The following ADCY3 variants were observed in gnomAD, a reference collection of about 807,000 sequenced individuals.
The protein encoded by ADCY3 is adenylate cyclase 3, also known as adenylate cyclase type 3.
Under a neutral mutation model 119.4 loss-of-function variants are expected in ADCY3, and 70 were observed. The ratio of observed to expected loss-of-function variants is 0.59; its 90% confidence interval spans 0.48 to 0.72. ADCY3 has a LOEUF of 0.72. ADCY3 is among the 30% of genes least tolerant of loss of function. ADCY3 has a pLI of 0.00. For synonymous variants in ADCY3, 672 were observed against 621.4 expected, an observed-to-expected ratio of 1.08 and a Z score of -1.21; for missense variants, 1,238 against 1,541.6, an observed-to-expected ratio of 0.80 and a Z score of 3.30.
intron 2 of ADCY3, among the ~76,000 whole-genome samples, chr2:24,902,034 C>CTG (rs57980321): frequency 0.12 from 14,795 of 122,084 alleles, 925 homozygotes; most frequent in Admixed American, 0.13. Flanking sequence ...CATTTTAACT[C>CTG]TGTGTGTGTG....
chr2:24,847,926 G>T (rs1255935006), intron 3 of ADCY3, among the ~76,000 whole-genome samples: 4 of 152,196 alleles, frequency 2.6e-5, no homozygotes. Context: ...TAATCCCGGG[G>T]ATCCCAGCCC....
At chr2:24,868,211 C>G (rs1156681583) in intron 3 of ADCY3, among the ~76,000 whole-genome samples, 1 of 152,068 alleles carries the variant, frequency 6.6e-6, no homozygotes, top group Non-Finnish European at 1.5e-5. Flanking sequence ...TTCTACGTCG[C>G]CCATGGATCA....
intron 16 of ADCY3, 134 bp from the exon 17 acceptor site, chr2:24,824,670 C>G (rs1354215726): frequency 1.1e-6 from 1 of 921,426 alleles, no homozygotes; most frequent in Non-Finnish European, 1.6e-6. Flanking sequence ...AGGCGGATCA[C>G]CTGAGGTCAG....
intron 3 of ADCY3, among the ~76,000 whole-genome samples, chr2:24,868,387 A>G (rs1572937820): frequency 6.6e-6 from 1 of 152,350 alleles, no homozygotes; most frequent in East Asian, 1.9e-4. Flanking sequence ...CTGAAGTTCT[A>G]TTTTGGCTGG....
chr2:24,904,302 G>C (rs946818256), intron 2 of ADCY3, among the ~76,000 whole-genome samples: 2 of 152,120 alleles, frequency 1.3e-5, no homozygotes, highest in African/African-American at 4.8e-5. Context: ...GGCCCAAATG[G>C]GCAGAGAACT....
chr2:24,888,228 C>A (rs1198275382), intron 2 of ADCY3, among the ~76,000 whole-genome samples: 1 of 152,238 alleles, frequency 6.6e-6, no homozygotes, highest in African/African-American at 2.4e-5. Flanking sequence ...TCCCCCATTG[C>A]CTGTCCAGCC....
chr2:24,878,289 C>A lies in ADCY3; in HGVS notation c.676-5570G>T, dbSNP rs995256694. Among the ~76,000 whole-genome samples, 1 of 152,146 alleles carries A rather than the reference C, an allele frequency of 6.6e-6. No individual in the cohort carries two copies. The highest frequency in any genetic ancestry group is 1.9e-4 in the East Asian group (1 of 5,196). On this transcript the variant is annotated intron_variant, in intron 2 of 21. Transcript: ENST00000679454. The surrounding 1 kb of genome is among the most constrained non-coding windows in gnomAD (Gnocchi z 4.0). ...AGAACATTCCTTTACAAAATCCTCCCTCCTGGAAGTTTACGCATCGCAAGA... is the reference window on the plus strand; with the variant it reads ...AGAACATTCCTTTACAAAATCCTCCATCCTGGAAGTTTACGCATCGCAAGA...
chr2:24,908,967 C>A (rs545352621), intron 2 of ADCY3, among the ~76,000 whole-genome samples: 18 of 152,290 alleles, frequency 1.2e-4, no homozygotes, highest in African/African-American at 4.3e-4. Flanking sequence ...CACACTCTCC[C>A]CAGGCAACCC....
intron 3 of ADCY3, among the ~76,000 whole-genome samples, chr2:24,846,488 T>C (rs1258051373): frequency 6.6e-6 from 1 of 152,206 alleles, no homozygotes; most frequent in Non-Finnish European, 1.5e-5. Context: ...CTGTAACCCC[T>C]TTGTTCTGGC....
chr2:24,834,974 G>A lies in ADCY3; in HGVS notation c.1663-38C>T. On this transcript the variant is annotated intron_variant, in intron 9 of 21. Coordinates refer to ENST00000679454, the MANE Select transcript of ADCY3 (RefSeq NM_004036.5). This position sits in a 1 kb window ranked among gnomAD's most constrained non-coding sequence, Gnocchi z 4.2. ...GAGGCAGCGTGAGTGGGGCAGATGG[G>A]ACAGAGTGGTGGGGAAGAGCTGGGA... is the stretch of plus-strand genomic sequence containing the variant. 2.5e-6 allele frequency: 4 copies of A among 1,601,180 alleles called. No individual in the cohort carries two copies. The highest frequency in any genetic ancestry group is 2.6e-6 in the Non-Finnish European group (3 of 1,173,276).
At chr2:24,852,005 T>C (rs6545758) in intron 3 of ADCY3, among the ~76,000 whole-genome samples, 52,221 of 152,042 alleles carry the variant, frequency 0.34, 9,399 homozygotes, top group African/African-American at 0.44. Context: ...TTGGCAATAA[T>C]TGCTGTCACA....
chr2:24,838,601 G>A lies in ADCY3; in HGVS notation c.1377C>T (p.Ser459=). The change falls in exon 8 of 22, where the codon AGC becomes AGT. Residue 459 remains serine (S), a synonymous_variant. Transcript: ENST00000679454. ...GIPGRVHISQ[S]TMDCLKGEFD... is the part of the protein sequence containing the mutation. ...ACTCCCCTTTCAGGCAGTCCATGGT[G>A]CTCTGGGAGATGTGCACGCGCCTGG... 1 of 1,614,046 alleles carries A rather than the reference G, an allele frequency of 6.2e-7. No individual in the cohort carries two copies. The highest frequency in any genetic ancestry group is 8.5e-7 in the Non-Finnish European group (1 of 1,180,044).
rs780618781 is a variant in ADCY3 at position 24,838,406 on chromosome 2, GGGGT to G, written c.1533+35_1533+38del. 58 of 791,348 alleles carry G rather than the reference GGGGT, an allele frequency of 7.3e-5. No individual in the cohort carries two copies. The Middle Eastern group carries it at 1.9e-3, about 26-fold the overall frequency. The allele number at this position is 791,348 out of a possible 1,614,324, so 49.0% of individuals were successfully genotyped here. Reference sequence around the variant, plus strand: ...CTTTCCAACCCCCTAATCCAGGGGTGGGGTGGGTGGGGTGGGTGGGGTGGGGTGG... The same window carrying G: ...CTTTCCAACCCCCTAATCCAGGGGTGGGGTGGGGTGGGTGGGGTGGGGTGG... On this transcript the variant is annotated intron_variant, in intron 8 of 21. Coordinates refer to ENST00000679454, the MANE Select transcript of ADCY3 (RefSeq NM_004036.5).
chr2:24,827,560 G>A lies in ADCY3; in HGVS notation c.2481C>T (p.Leu827=). Residue 827 remains leucine, a synonymous_variant, in exon 15 of 22, where the codon CTC becomes CTT. Coordinates refer to ENST00000679454, the MANE Select transcript of ADCY3 (RefSeq NM_004036.5). ...GTGGCCCTTACCTGTCAGTGCCATT[G>A]AGCCCAGGGTTGAATCCTTGCATCT... ...LEQMQGFNPG[L]NGTDRLPLVP... 1 of 1,588,486 alleles carries A rather than the reference G, an allele frequency of 6.3e-7. No individual in the cohort carries two copies. Among genetic ancestry groups the A allele is most frequent in the South Asian group, 1.1e-5 (1 of 87,722 alleles).
At chr2:24,892,213 T>C (rs1279892797) in intron 2 of ADCY3, among the ~76,000 whole-genome samples, 1 of 152,158 alleles carries the variant, frequency 6.6e-6, no homozygotes, top group Non-Finnish European at 1.5e-5. Flanking sequence ...TGTCAGAGAA[T>C]ATACTTTATA....
chr2:24,847,909 T>G (rs1263861866), intron 3 of ADCY3, among the ~76,000 whole-genome samples: 2 of 152,212 alleles, frequency 1.3e-5, no homozygotes, highest in Non-Finnish European at 2.9e-5. Flanking sequence ...TGGGTTTCTC[T>G]GGTCAGTAAT....
At chr2:24,877,805 G>T in intron 2 of ADCY3, 1 of 452,722 alleles carries the variant, frequency 2.2e-6, no homozygotes. Flanking sequence ...GAGGGAAGAG[G>T]CTCCTTGGCC....
intron 19 of ADCY3, 192 bp downstream of exon 19, chr2:24,822,319 G>A (rs1244168262): frequency 2.0e-5 from 15 of 744,332 alleles, no homozygotes; most frequent in Non-Finnish European, 2.5e-5. Context: ...GGGGTTGTGT[G>A]TCTGTTCTGT....
intron 2 of ADCY3, among the ~76,000 whole-genome samples, chr2:24,874,928 C>A (rs188220728): frequency 1.2e-4 from 19 of 152,310 alleles, no homozygotes; most frequent in African/African-American, 4.3e-4. Context: ...CAAGCCTGAC[C>A]CTGCTTCCAG....
Sources: gnomAD v4.1 joint callset for allele counts (sites outside exome capture counted in the v4.1 genomes callset) on GRCh38, gnomAD v4.1.1 for gene constraint, Gnocchi (gnomAD v3.1) non-coding constraint, MANE v1.5 for transcripts, NCBI Gene and HGNC (gene_info 2026-07-23, HGNC 2026-07-21) for gene names.